The following RASGRF1 variants were observed in gnomAD, a reference collection of about 807,000 sequenced individuals.
RASGRF1 encodes ras-specific guanine nucleotide-releasing factor 1.
RASGRF1 carries 40 observed loss-of-function variants against 138.7 expected under a neutral mutation model. The ratio of observed to expected loss-of-function variants is 0.29; its 90% confidence interval spans 0.22 to 0.38. The LOEUF is 0.38. Ranked by LOEUF, RASGRF1 falls within the 10% of genes least tolerant of loss-of-function variation. RASGRF1 has a pLI of 1.00. For synonymous variants in RASGRF1, 614 were observed against 663.2 expected, an observed-to-expected ratio of 0.93 and a Z score of 1.14; for missense variants, 1,108 against 1,650.4, an observed-to-expected ratio of 0.67 and a Z score of 5.69.
chr15:79,014,548 A>C (rs2141758539), intron 13 of RASGRF1, among the ~76,000 whole-genome samples: 1 of 152,330 alleles, frequency 6.6e-6, no homozygotes, highest in East Asian at 1.9e-4. Context: ...ATGAGGATGC[A>C]AAGGCATAAG....
At chr15:79,018,187 A>C (rs2056908092) in intron 11 of RASGRF1, among the ~76,000 whole-genome samples, 1 of 152,220 alleles carries the variant, frequency 6.6e-6, no homozygotes, top group South Asian at 2.1e-4. Context: ...TCATTACACC[A>C]ATGGAGGTGA....
intron 1 of RASGRF1, among the ~76,000 whole-genome samples, chr15:79,070,446 AG>A (rs1238178170): frequency 6.6e-6 from 1 of 152,222 alleles, no homozygotes; most frequent in Non-Finnish European, 1.5e-5. Flanking sequence ...TTTGAGATAA[AG>A]AAGTGGCCTT....
chr15:79,078,973 A>G (rs1279542567), intron 1 of RASGRF1, among the ~76,000 whole-genome samples: 3 of 152,188 alleles, frequency 2.0e-5, no homozygotes, highest in Non-Finnish European at 4.4e-5. Context: ...AGTAGGTGGG[A>G]GGAGATTCAG....
intron 16 of RASGRF1, 66 bp from the exon 17 acceptor site, chr15:78,999,979 CA>C: frequency 6.5e-7 from 1 of 1,547,316 alleles, no homozygotes; most frequent in Non-Finnish European, 8.9e-7. Context: ...GTTAGAAAAC[CA>C]GGGGTCCCGA....
chr15:79,001,607 A>G, intron 16 of RASGRF1, 55 bp downstream of exon 16: 2 of 1,586,308 alleles, frequency 1.3e-6, no homozygotes, highest in Admixed American at 1.7e-5. Flanking sequence ...GACTTGACCT[A>G]CTGCCCTCTC....
intron 13 of RASGRF1, among the ~76,000 whole-genome samples, chr15:79,010,525 G>A (rs562981009): frequency 6.6e-6 from 1 of 152,348 alleles, no homozygotes; most frequent in East Asian, 1.9e-4. Flanking sequence ...ACTGGCTTGA[G>A]TGCCAGATAC....
chr15:78,964,822 C>T (rs10519222), intron 26 of RASGRF1, among the ~76,000 whole-genome samples: 7,872 of 152,120 alleles, frequency 0.052, 693 homozygotes, highest in African/African-American at 0.18. Context: ...TTTGTGTGAT[C>T]GTCTCGTTCT....
chr15:78,999,103 C>T (rs540482836), intron 17 of RASGRF1, among the ~76,000 whole-genome samples: 5 of 151,774 alleles, frequency 3.3e-5, no homozygotes, highest in South Asian at 2.1e-4. Context: ...GACAGAGCCA[C>T]GCAGGGCCTC....
chr15:79,052,943 AT>A (rs2057452486), intron 3 of RASGRF1, among the ~76,000 whole-genome samples: 1 of 152,082 alleles, frequency 6.6e-6, no homozygotes, highest in African/African-American at 2.4e-5. Flanking sequence ...TATTTTGTAT[AT>A]TGGGGTTCCA....
rs1000264285 is a variant in RASGRF1 at position 79,090,595 on chromosome 15, G to T, written c.-97C>A. 1.3e-6 allele frequency: 2 copies of T among 1,515,332 alleles called. No individual in the cohort carries two copies. The highest frequency in any genetic ancestry group is 1.8e-5 in the Admixed American group (1 of 56,234). The allele number at this position is 1,515,332 out of a possible 1,614,324, so 93.9% of individuals were successfully genotyped here. ...TGCGCGCTGCCTCTCTCTGGCGCTCGCTCGCTCGCTCCCTCTAGCTCTCCC... is the reference window on the plus strand; with the variant it reads ...TGCGCGCTGCCTCTCTCTGGCGCTCTCTCGCTCGCTCCCTCTAGCTCTCCC... On this transcript the variant is annotated 5_prime_UTR_variant, in exon 1 of 27. Transcript: ENST00000558480.
intron 24 of RASGRF1, among the ~76,000 whole-genome samples, chr15:78,975,671 C>G (rs2055857022): frequency 6.6e-6 from 1 of 152,084 alleles, no homozygotes; most frequent in Non-Finnish European, 1.5e-5. Flanking sequence ...CCACCATACC[C>G]AGCGAATTTT....
At position 78,999,912 on chromosome 15, in the gene RASGRF1, C is replaced by G. The variant is rs758969544; in HGVS notation, c.2577G>C (p.Glu859Asp). 5 of 1,613,874 alleles carry G rather than the reference C, an allele frequency of 3.1e-6. No individual in the cohort carries two copies. The East Asian group carries it at 1.1e-4, about 36-fold the overall frequency. ...PKSVKNKNSS[E>D]FPLFSYNNGV... ...CATTGTTATAGGAAAAGAGTGGGAA[C>G]TCTGCAGAGAGGAGGGAACCAACCC... is the stretch of plus-strand genomic sequence containing the variant. Residue 859 changes from glutamate to aspartate, a missense_variant and splice_region_variant, in exon 17 of 27, where the codon GAG becomes GAC. Physicochemically the swap from Glu to Asp is conservative, Grantham distance 45. This residue lies in a region of RASGRF1 where 686 missense variants were observed against 976.7 expected (regional missense o/e 0.70). Coordinates refer to ENST00000558480, the MANE Select transcript of RASGRF1 (RefSeq NM_001145648.3).
chr15:78,962,786 G>A (rs2055572783), intron 26 of RASGRF1, among the ~76,000 whole-genome samples: 1 of 152,176 alleles, frequency 6.6e-6, no homozygotes, highest in Admixed American at 6.5e-5. Context: ...GTGAGGCTGA[G>A]GCAGCAGGAT....
At chr15:79,038,096 T>G (rs187240019) in intron 5 of RASGRF1, among the ~76,000 whole-genome samples, 31 of 152,316 alleles carry the variant, frequency 2.0e-4, no homozygotes, top group Non-Finnish European at 1.9e-4. Flanking sequence ...GCTCACCTCC[T>G]GCTGTGGGGT....
chr15:79,072,799 C>T (rs143693907), intron 1 of RASGRF1, among the ~76,000 whole-genome samples: 62 of 152,306 alleles, frequency 4.1e-4, no homozygotes, highest in African/African-American at 1.5e-3. Flanking sequence ...AAACCAGACT[C>T]ACACTGGGGG....
intron 18 of RASGRF1, 119 bp from the exon 19 acceptor site, chr15:78,998,327 G>T: frequency 1.2e-6 from 1 of 833,246 alleles, no homozygotes; most frequent in Non-Finnish European, 2.0e-6. Flanking sequence ...AGGCTGACCT[G>T]CCTCATTTCC....
chr15:78,972,439 C>T (rs2055782350), intron 25 of RASGRF1, among the ~76,000 whole-genome samples: 1 of 151,066 alleles, frequency 6.6e-6, no homozygotes, highest in Non-Finnish European at 1.5e-5. Flanking sequence ...AATCTGCTTC[C>T]AAGACTTGTC....
At chr15:79,024,876 CAT>C (rs1248981757) in intron 10 of RASGRF1, among the ~76,000 whole-genome samples, 1 of 150,572 alleles carries the variant, frequency 6.6e-6, no homozygotes, top group African/African-American at 2.5e-5. Context: ...GACACACACA[CAT>C]ATATATACAC....
At chr15:79,059,022 C>T (rs533418716) in intron 2 of RASGRF1, among the ~76,000 whole-genome samples, 3 of 152,300 alleles carry the variant, frequency 2.0e-5, no homozygotes, top group Non-Finnish European at 2.9e-5. Flanking sequence ...CGTCAGAGTG[C>T]TGTAAAATAG....
Sources: gnomAD v4.1 joint callset for allele counts (sites outside exome capture counted in the v4.1 genomes callset) on GRCh38, gnomAD v4.1.1 for gene constraint, gnomAD v4.1.1 regional missense constraint, MANE v1.5 for transcripts, NCBI Gene and HGNC (gene_info 2026-07-23, HGNC 2026-07-21) for gene names.